ERG: variants seen among roughly 807,000 people sequenced by gnomAD.
The protein encoded by ERG is ETS transcription factor ERG, also known as transcriptional regulator ERG.
In ERG, 9 loss-of-function variants were observed where a neutral mutation model predicts 55.3. That is an observed-to-expected ratio of 0.16 (90% CI 0.10 to 0.28). The LOEUF is 0.28. Ranked by LOEUF, ERG falls within the 10% of genes least tolerant of loss-of-function variation. The pLI is 1.00. For missense variants in ERG, 434 were observed against 631.6 expected, an observed-to-expected ratio of 0.69 and a Z score of 3.35; for synonymous variants, 223 against 237.3, an observed-to-expected ratio of 0.94 and a Z score of 0.55.
chr21:38,556,756 A>G (rs1601237607), intron 2 of ERG, among the ~76,000 whole-genome samples: 1 of 152,118 alleles, frequency 6.6e-6, no homozygotes, highest in Non-Finnish European at 1.5e-5. Context: ...GCTGGATGGG[A>G]AGAAAGCAGG....
At chr21:38,415,031 C>T (rs1989217025) in intron 3 of ERG, among the ~76,000 whole-genome samples, 1 of 152,222 alleles carries the variant, frequency 6.6e-6, no homozygotes, top group Admixed American at 6.5e-5. Context: ...TTTGAAAAGG[C>T]TGTTGCAGAA....
chr21:38,509,689 C>T (rs981068378), intron 2 of ERG, among the ~76,000 whole-genome samples: 2 of 152,094 alleles, frequency 1.3e-5, no homozygotes, highest in Admixed American at 6.5e-5. Flanking sequence ...ACATCTCAGC[C>T]CATCAACCTC....
At chr21:38,552,678 T>C (rs940587722) in intron 2 of ERG, among the ~76,000 whole-genome samples, 3 of 151,006 alleles carry the variant, frequency 2.0e-5, no homozygotes, top group African/African-American at 7.3e-5. Flanking sequence ...TGAAAGAACA[T>C]ACCTCAAAAT....
Position 38,657,841 on chromosome 21 carries a change from C to T in ERG, c.-150+3817G>A, listed in dbSNP as rs541331908. 2.0e-5 allele frequency among the ~76,000 whole-genome samples: 3 copies of T among 152,224 alleles called. No homozygotes were observed. The South Asian group carries it at 6.2e-4, about 32-fold the overall frequency. ...AATGCTATCATGCAAGGAACAGCAACAATATGGAGGGGTGGCTGGTCACTG... is the reference window on the plus strand; with the variant it reads ...AATGCTATCATGCAAGGAACAGCAATAATATGGAGGGGTGGCTGGTCACTG... On this transcript the variant is annotated intron_variant, in intron 1 of 10. Coordinates refer to the ERG transcript ENST00000398910.
At chr21:38,447,819 G>A (rs16996328) in intron 1 of ERG, among the ~76,000 whole-genome samples, 2,573 of 152,072 alleles carry the variant, frequency 0.017, 73 homozygotes, top group African/African-American at 0.054. Context: ...ACCAAGGCTC[G>A]CAGGGGAATA....
intron 1 of ERG, among the ~76,000 whole-genome samples, chr21:38,452,394 TG>T (rs1243379897): frequency 6.6e-6 from 1 of 152,200 alleles, no homozygotes. Context: ...CATATATAAG[TG>T]TATGCATATA....
chr21:38,515,490 C>T (rs1208643158), intron 2 of ERG, among the ~76,000 whole-genome samples: 1 of 151,784 alleles, frequency 6.6e-6, no homozygotes, highest in Non-Finnish European at 1.5e-5. Flanking sequence ...TTCTACCAAA[C>T]TTAGAAAGAA....
intron 1 of ERG, among the ~76,000 whole-genome samples, chr21:38,653,693 A>G (rs1348090441): frequency 6.6e-6 from 1 of 152,186 alleles, no homozygotes; most frequent in Non-Finnish European, 1.5e-5. Flanking sequence ...CCATAGCGGA[A>G]TGTTCTGGCT....
chr21:38,445,537 C>T lies in ERG; in HGVS notation c.103G>A (p.Ala35Thr), dbSNP rs774083516. ...TPHLAKTEMT[A>T]SSSSDYGQTS... is the part of the protein sequence containing the mutation. Reference sequence around the variant, plus strand: ...TGTCCATAGTCGCTGGAGGAGGACGCGGTCATCTCTGTCTTAGCCAGGTGT... The same window carrying T: ...TGTCCATAGTCGCTGGAGGAGGACGTGGTCATCTCTGTCTTAGCCAGGTGT... Residue 35 changes from alanine (A) to threonine (T), a missense_variant, in exon 2 of 10, where the codon GCG (alanine) becomes ACG (threonine). Coordinates refer to ENST00000288319, the MANE Select transcript of ERG (RefSeq NM_182918.4). 7 of 1,614,024 alleles carry T rather than the reference C, an allele frequency of 4.3e-6. No homozygotes were observed. The highest frequency in any genetic ancestry group is 2.2e-5 in the East Asian group (1 of 44,850).
chr21:38,521,013 T>A (rs2059590286), intron 2 of ERG, among the ~76,000 whole-genome samples: 1 of 152,144 alleles, frequency 6.6e-6, no homozygotes, highest in Non-Finnish European at 1.5e-5. Context: ...ATCTCATTTC[T>A]TAGTGGGGAG....
intron 1 of ERG, among the ~76,000 whole-genome samples, chr21:38,616,355 G>T (rs1378422178): frequency 6.6e-6 from 1 of 152,108 alleles, no homozygotes; most frequent in Non-Finnish European, 1.5e-5. Context: ...GTACGGCAAA[G>T]CACCTAGTGA....
intron 1 of ERG, among the ~76,000 whole-genome samples, chr21:38,497,587 C>T (rs1267400496): frequency 6.6e-6 from 1 of 152,170 alleles, no homozygotes; most frequent in Non-Finnish European, 1.5e-5. Context: ...TGTACCTGTG[C>T]AGATTTACCT....
intron 1 of ERG, among the ~76,000 whole-genome samples, chr21:38,595,447 C>T (rs910263917): frequency 5.3e-5 from 8 of 152,102 alleles, no homozygotes; most frequent in African/African-American, 1.9e-4. Flanking sequence ...AAATGTGGGT[C>T]TCAGTGAAGA....
intron 1 of ERG, among the ~76,000 whole-genome samples, chr21:38,450,335 G>A (rs1043415100): frequency 5.3e-5 from 8 of 151,982 alleles, no homozygotes; most frequent in South Asian, 2.1e-4. Context: ...CCGGGATCAC[G>A]CGACTGCACT....
rs142947761 is a variant in ERG at position 38,595,762 on chromosome 21, G to C, written c.-149-10817C>G. ...GACATGGGGAGAGGGTCCGCACCTG[G>C]AGGGCAAACCCTTCCTGGAGGGCAG... On this transcript the variant is annotated intron_variant, in intron 1 of 10. Coordinates refer to the ERG transcript ENST00000398910. Among the ~76,000 whole-genome samples the C allele has an allele frequency of 5.9e-5, 9 of 152,288 alleles. No individual in the cohort carries two copies. In the East Asian group the frequency reaches 1.5e-3, roughly 26 times the overall value.
chr21:38,654,703 G>A (rs2060508446), intron 1 of ERG, among the ~76,000 whole-genome samples: 1 of 151,948 alleles, frequency 6.6e-6, no homozygotes, highest in Non-Finnish European at 1.5e-5. Flanking sequence ...TTACTGTCGG[G>A]GTCAAATAGA....
At chr21:38,449,018 T>C (rs2146565114) in intron 1 of ERG, 1 of 152,322 alleles carries the variant, frequency 6.6e-6, no homozygotes, top group South Asian at 2.1e-4. Flanking sequence ...ACCTACCTAC[T>C]TACCTGCCTG....
At chr21:38,596,496 C>T (rs753312673) in intron 1 of ERG, among the ~76,000 whole-genome samples, 5 of 152,132 alleles carry the variant, frequency 3.3e-5, no homozygotes, top group East Asian at 3.8e-4. Context: ...TGTGATCCAG[C>T]GATACTTGTT....
At chr21:38,617,455 A>G (rs917715595) in intron 1 of ERG, among the ~76,000 whole-genome samples, 21 of 152,264 alleles carry the variant, frequency 1.4e-4, no homozygotes, top group African/African-American at 4.6e-4. Context: ...TTCACACACT[A>G]AAGTCCATCA....
Sources: gnomAD v4.1 joint callset for allele counts (sites outside exome capture counted in the v4.1 genomes callset) on GRCh38, gnomAD v4.1.1 for gene constraint, MANE v1.5 for transcripts, NCBI Gene and HGNC (gene_info 2026-07-23, HGNC 2026-07-21) for gene names.